The following CRPPA variants were observed in gnomAD, a reference collection of about 807,000 sequenced individuals.
CRPPA encodes the protein D-ribitol-5-phosphate cytidylyltransferase.
CRPPA carries 43 observed loss-of-function variants against 52.0 expected under a neutral mutation model. The observed-to-expected ratio is 0.83, with a 90% CI of 0.65 to 1.07. CRPPA has a LOEUF of 1.07. Among genes scored for constraint, CRPPA ranks in the 50% least tolerant of loss-of-function variants. The pLI is 0.00. For missense variants in CRPPA, 629 were observed against 551.7 expected (o/e 1.14, Z -1.40); for synonymous variants, 250 against 203.5 (o/e 1.23, Z -1.94).
intron 9 of CRPPA, among the ~76,000 whole-genome samples, chr7:16,160,809 T>C (rs1215002688): frequency 6.6e-6 from 1 of 152,192 alleles, no homozygotes; most frequent in East Asian, 1.9e-4. Flanking sequence ...CGGAATGTTT[T>C]TCCATTTGTT....
At chr7:16,386,227 AC>A (rs1306884259) in intron 2 of CRPPA, among the ~76,000 whole-genome samples, 1 of 151,696 alleles carries the variant, frequency 6.6e-6, no homozygotes, top group Non-Finnish European at 1.5e-5. Context: ...CTCTCTGACC[AC>A]CCCCAGCTGA....
intron 9 of CRPPA, among the ~76,000 whole-genome samples, chr7:16,095,360 G>T (rs1781915710): frequency 6.6e-6 from 1 of 151,980 alleles, no homozygotes; most frequent in East Asian, 1.9e-4. Context: ...AGCTGAAGTT[G>T]TACAGCTCTC....
At chr7:16,213,946 C>A (rs1336411505) in intron 9 of CRPPA, among the ~76,000 whole-genome samples, 2 of 152,100 alleles carry the variant, frequency 1.3e-5, no homozygotes, top group African/African-American at 4.8e-5. Flanking sequence ...CACTTCTAAT[C>A]TAGAGCAAAA....
chr7:16,343,657 G>C (rs10275418), intron 3 of CRPPA, among the ~76,000 whole-genome samples: 138,875 of 152,056 alleles, frequency 0.91, 63,713 homozygotes, highest in East Asian at 0.98. Flanking sequence ...AGGCGCACAA[G>C]AAGCTACCAA....
intron 8 of CRPPA, among the ~76,000 whole-genome samples, chr7:16,231,737 T>C (rs1782801904): frequency 6.6e-6 from 1 of 152,210 alleles, no homozygotes; most frequent in Admixed American, 6.5e-5. Context: ...TTTCTGTTTC[T>C]ACCCAAGGGG....
intron 6 of CRPPA, among the ~76,000 whole-genome samples, chr7:16,264,056 A>G (rs1270810067): frequency 1.3e-5 from 2 of 152,170 alleles, no homozygotes; most frequent in Admixed American, 6.5e-5. Flanking sequence ...TCTTTTAGTC[A>G]TACTGCTTTC....
intron 9 of CRPPA, among the ~76,000 whole-genome samples, chr7:16,153,923 G>A (rs1783124470): frequency 6.6e-6 from 1 of 151,522 alleles, no homozygotes; most frequent in Non-Finnish European, 1.5e-5. Context: ...TGTGTTTTAT[G>A]TAGCAGACCA....
chr7:16,154,301 G>A (rs545712519), intron 9 of CRPPA, among the ~76,000 whole-genome samples: 1 of 152,166 alleles, frequency 6.6e-6, no homozygotes, highest in Admixed American at 6.6e-5. Context: ...GTGTGCCACG[G>A]TGGTTTGCTG....
At chr7:16,299,389 C>A (rs950401708) in intron 5 of CRPPA, among the ~76,000 whole-genome samples, 4 of 152,120 alleles carry the variant, frequency 2.6e-5, no homozygotes, top group African/African-American at 9.7e-5. Flanking sequence ...CTATAAAAGA[C>A]TGAGGAGCAG....
intron 8 of CRPPA, among the ~76,000 whole-genome samples, chr7:16,216,785 G>C (rs1782332490): frequency 6.6e-6 from 1 of 152,216 alleles, no homozygotes; most frequent in Non-Finnish European, 1.5e-5. Flanking sequence ...GGCTCTGAGG[G>C]TCCTACGCCC....
At chr7:16,404,706 A>G (rs1787910372) in intron 2 of CRPPA, among the ~76,000 whole-genome samples, 3 of 152,074 alleles carry the variant, frequency 2.0e-5, no homozygotes, top group Admixed American at 1.3e-4. Flanking sequence ...ACTCTTCCAA[A>G]TGTGCAAAAT....
chr7:16,349,278 C>T (rs541008914), intron 3 of CRPPA, among the ~76,000 whole-genome samples: 4 of 152,226 alleles, frequency 2.6e-5, no homozygotes, highest in Admixed American at 6.5e-5. Context: ...AAACATGAGA[C>T]TGAGAGGTAC....
intron 2 of CRPPA, among the ~76,000 whole-genome samples, chr7:16,389,920 A>T (rs1367737600): frequency 2.1e-3 from 134 of 65,012 alleles, no homozygotes; most frequent in African/African-American, 7.7e-3. Context: ...ATACAAAAAA[A>T]AAAAAAAAAT....
chr7:16,421,430 C>G lies in CRPPA; in HGVS notation c.-108G>C. On this transcript the variant is annotated 5_prime_UTR_variant, in exon 1 of 10. Coordinates refer to ENST00000407010, the MANE Select transcript of CRPPA (RefSeq NM_001101426.4). The stretch of plus-strand genomic sequence containing the variant: ...GCGAAGGGCAGACCACGGAGAGGGA[C>G]GCAGAGCGCGCAAGCAGAAGGCGCC... 2 of 1,089,786 alleles carry G rather than the reference C, an allele frequency of 1.8e-6. No homozygotes were observed. Among genetic ancestry groups the G allele is most frequent in the Non-Finnish European group, 2.3e-6 (2 of 866,112 alleles). The allele number at this position is 1,089,786 out of a possible 1,614,324, so 67.5% of individuals were successfully genotyped here. A position where few individuals can be genotyped will look rare whatever the true frequency, so the allele number is the denominator to read the frequency against.
At chr7:16,374,262 A>G (rs1228280201) in intron 3 of CRPPA, among the ~76,000 whole-genome samples, 4 of 152,094 alleles carry the variant, frequency 2.6e-5, no homozygotes, top group Non-Finnish European at 5.9e-5. Flanking sequence ...TCTGGCTATC[A>G]TCTTTCTCCT....
intron 6 of CRPPA, among the ~76,000 whole-genome samples, chr7:16,264,775 C>A (rs550122592): frequency 7.2e-5 from 11 of 152,200 alleles, no homozygotes; most frequent in African/African-American, 2.6e-4. Flanking sequence ...TCCCTTTTTG[C>A]CTTTCTAGCA....
At chr7:16,270,606 G>T (rs769007287) in intron 6 of CRPPA, 21 of 152,104 alleles carry the variant, frequency 1.4e-4, no homozygotes, top group Non-Finnish European at 2.1e-4. Flanking sequence ...TGGATTTAAT[G>T]AGATGGTTTT....
chr7:16,255,778 A>C (rs1024618849), intron 8 of CRPPA, among the ~76,000 whole-genome samples: 2 of 152,170 alleles, frequency 1.3e-5, no homozygotes, highest in African/African-American at 4.8e-5. Flanking sequence ...CTTATGCCTT[A>C]TACAAAAATT....
chr7:16,270,471 T>C (rs1298474939), intron 6 of CRPPA: 2 of 152,208 alleles, frequency 1.3e-5, no homozygotes, highest in African/African-American at 4.8e-5. Context: ...TTGTTAATTT[T>C]ATTTAATACA....
Sources: gnomAD v4.1 joint callset for allele counts (sites outside exome capture counted in the v4.1 genomes callset) on GRCh38, gnomAD v4.1.1 for gene constraint, MANE v1.5 for transcripts, NCBI Gene and HGNC (gene_info 2026-07-23, HGNC 2026-07-21) for gene names.